PTPRM: variants seen among roughly 807,000 people sequenced by gnomAD.
PTPRM encodes the protein protein tyrosine phosphatase receptor type M.
Under a neutral mutation model 186.7 loss-of-function variants are expected in PTPRM, and 47 were observed. The observed-to-expected ratio is 0.25, with a 90% CI of 0.20 to 0.32. PTPRM has a LOEUF of 0.32. Ranked by LOEUF, PTPRM falls within the 10% of genes least tolerant of loss-of-function variation. The pLI is 1.00. For synonymous variants in PTPRM, 668 were observed against 674.9 expected, an observed-to-expected ratio of 0.99 and a Z score of 0.16; for missense variants, 1,494 against 1,865.0, an observed-to-expected ratio of 0.80 and a Z score of 3.66.
chr18:8,120,450 A>G (rs1256247816), intron 13 of PTPRM, among the ~76,000 whole-genome samples: 2 of 149,302 alleles, frequency 1.3e-5, no homozygotes, highest in African/African-American at 2.5e-5. Context: ...CTTTTTGGAT[A>G]TTAGGTGCTC....
At chr18:7,780,603 C>A (rs115411711) in intron 2 of PTPRM, among the ~76,000 whole-genome samples, 3 of 152,086 alleles carry the variant, frequency 2.0e-5, no homozygotes. Context: ...AATAGCTGTT[C>A]GTGGAACGAC....
chr18:7,844,586 C>T (rs1175383795), intron 2 of PTPRM, among the ~76,000 whole-genome samples: 2 of 152,102 alleles, frequency 1.3e-5, no homozygotes, highest in African/African-American at 4.8e-5. Context: ...TTCATAGAAA[C>T]TCTGAAAAAC....
intron 2 of PTPRM, among the ~76,000 whole-genome samples, chr18:7,880,240 T>C (rs184717009): frequency 1.3e-5 from 2 of 152,182 alleles, no homozygotes; most frequent in East Asian, 3.9e-4. Flanking sequence ...GGATGTGCAG[T>C]TGGTTAGAGA....
intron 22 of PTPRM, among the ~76,000 whole-genome samples, chr18:8,332,417 A>G (rs1466106633): frequency 2.6e-5 from 4 of 152,206 alleles, no homozygotes; most frequent in Non-Finnish European, 5.9e-5. Flanking sequence ...AGGATTTCAT[A>G]TGTTTTAGAA....
chr18:7,994,283 C>CAA, intron 7 of PTPRM, among the ~76,000 whole-genome samples: 1 of 151,962 alleles, frequency 6.6e-6, no homozygotes, highest in East Asian at 1.9e-4. Context: ...CACACACACA[C>CAA]ACACACACAC....
intron 2 of PTPRM, among the ~76,000 whole-genome samples, chr18:7,869,181 C>T (rs897595811): frequency 6.6e-6 from 1 of 152,190 alleles, no homozygotes; most frequent in Non-Finnish European, 1.5e-5. Context: ...TTCCTGGCTT[C>T]AGCCCCCTTT....
intron 4 of PTPRM, among the ~76,000 whole-genome samples, chr18:7,908,367 A>G (rs1389062065): frequency 1.3e-5 from 2 of 152,190 alleles, no homozygotes; most frequent in Non-Finnish European, 1.5e-5. Context: ...CCTATGCAAA[A>G]TTATGAAAGA....
intron 27 of PTPRM, 117 bp downstream of exon 27, chr18:8,378,531 T>C: frequency 7.8e-7 from 1 of 1,278,122 alleles, no homozygotes; most frequent in Non-Finnish European, 1.1e-6. Context: ...CATAGCACTG[T>C]TCGTATTCAG....
intron 1 of PTPRM, among the ~76,000 whole-genome samples, chr18:7,740,184 C>G (rs997059997): frequency 6.6e-6 from 1 of 152,172 alleles, no homozygotes; most frequent in African/African-American, 2.4e-5. Context: ...CAACCCCACC[C>G]TACCCCTCAG....
At chr18:8,174,639 C>A (rs11874230) in intron 14 of PTPRM, among the ~76,000 whole-genome samples, 46,695 of 151,980 alleles carry the variant, frequency 0.31, 7,449 homozygotes, top group Non-Finnish European at 0.36. Context: ...AATTTGCTGT[C>A]TCTTATTAAA....
At chr18:8,295,082 A>G (rs888289672) in intron 19 of PTPRM, among the ~76,000 whole-genome samples, 50 of 152,242 alleles carry the variant, frequency 3.3e-4, no homozygotes, top group Non-Finnish European at 6.0e-4. Flanking sequence ...CAGGGAGTCC[A>G]CAGCCTGGTG....
At chr18:8,080,136 T>G (rs1367328040) in intron 9 of PTPRM, among the ~76,000 whole-genome samples, 1 of 149,434 alleles carries the variant, frequency 6.7e-6, no homozygotes, top group Non-Finnish European at 1.5e-5. Flanking sequence ...ACATGCATAG[T>G]CTGTTGATGG....
At chr18:8,270,053 A>C (rs1418695550) in intron 19 of PTPRM, 1 of 152,074 alleles carries the variant, frequency 6.6e-6, no homozygotes, top group Admixed American at 6.5e-5. Flanking sequence ...AAACAAAGAC[A>C]TAAGCAACAA....
In PTPRM at chr18:8,020,901, G is replaced by A. The variant is rs115171864; in HGVS notation, c.1133-48785G>A. Among the ~76,000 whole-genome samples, 345 of 152,234 alleles carry A rather than the reference G, an allele frequency of 2.3e-3. 3 individuals are homozygous for A. Among genetic ancestry groups the A allele is most frequent in the African/African-American group, 7.7e-3 (321 of 41,522 alleles). Reference sequence around the variant, plus strand: ...TTTAGTGTCGTTCTGTGTGGGACTCGGATTTGTAAAGCCCCTGCACTTGTA... The same window carrying A: ...TTTAGTGTCGTTCTGTGTGGGACTCAGATTTGTAAAGCCCCTGCACTTGTA... On this transcript the variant is annotated intron_variant, in intron 7 of 32. Transcript: ENST00000580170.
chr18:8,351,291 G>C (rs2095532767), intron 23 of PTPRM, among the ~76,000 whole-genome samples: 1 of 152,132 alleles, frequency 6.6e-6, no homozygotes, highest in Non-Finnish European at 1.5e-5. Context: ...TTTATAGTAA[G>C]TCAGTCAGAG....
intron 1 of PTPRM, among the ~76,000 whole-genome samples, chr18:7,609,651 T>G (rs2037624309): frequency 6.6e-6 from 1 of 152,088 alleles, no homozygotes; most frequent in Non-Finnish European, 1.5e-5. Flanking sequence ...TTTGCTGGTG[T>G]GGTTCCCAGG....
chr18:8,372,496 T>C (rs117508042), intron 24 of PTPRM, among the ~76,000 whole-genome samples: 1 of 152,342 alleles, frequency 6.6e-6, no homozygotes, highest in Non-Finnish European at 1.5e-5. Flanking sequence ...TGAACTACCT[T>C]TCCTGGTTTG....
chr18:7,664,762 C>G (rs1453001765), intron 1 of PTPRM, among the ~76,000 whole-genome samples: 1 of 152,070 alleles, frequency 6.6e-6, no homozygotes, highest in East Asian at 1.9e-4. Flanking sequence ...AGGACCCAGC[C>G]AGGTTCAAGG....
chr18:7,905,186 G>A (rs1200533059), intron 3 of PTPRM, among the ~76,000 whole-genome samples: 2 of 152,080 alleles, frequency 1.3e-5, no homozygotes, highest in Non-Finnish European at 2.9e-5. Context: ...TAGAGTTGGG[G>A]TTTCACCATA....
Sources: allele counts gnomAD v4.1 joint callset (sites outside exome capture counted in the v4.1 genomes callset), GRCh38; gene constraint gnomAD v4.1.1; transcripts MANE v1.5; gene names NCBI Gene and HGNC (gene_info 2026-07-23, HGNC 2026-07-21).